SPAG16: variants seen among roughly 807,000 people sequenced by gnomAD.
SPAG16 encodes sperm-associated antigen 16 protein.
A neutral mutation model predicts 80.4 loss-of-function variants in SPAG16; 86 were observed. The ratio of observed to expected loss-of-function variants is 1.07; its 90% CI spans 0.90 to 1.28. The LOEUF is 1.28. Among genes scored for constraint, SPAG16 ranks in the 50% most tolerant of loss-of-function variants. SPAG16 has a pLI of 0.00. For synonymous variants in SPAG16, 294 were observed against 265.9 expected (o/e 1.11, Z -1.03); for missense variants, 870 against 765.3 (o/e 1.14, Z -1.61).
intron 10 of SPAG16, among the ~76,000 whole-genome samples, chr2:213,595,452 G>A (rs1233974716): frequency 6.6e-6 from 1 of 152,086 alleles, no homozygotes; most frequent in African/African-American, 2.4e-5. Context: ...AAGAAATGCA[G>A]CTTTTCTTTT....
At chr2:213,579,327 G>C (rs2060227013) in intron 10 of SPAG16, among the ~76,000 whole-genome samples, 1 of 152,142 alleles carries the variant, frequency 6.6e-6, no homozygotes, top group African/African-American at 2.4e-5. Flanking sequence ...CTCTACAGAA[G>C]GGCAGTTGCC....
chr2:213,859,333 T>G (rs1010137114), intron 10 of SPAG16, among the ~76,000 whole-genome samples: 16 of 151,944 alleles, frequency 1.1e-4, no homozygotes, highest in African/African-American at 3.6e-4. Flanking sequence ...GCACAAAAAC[T>G]TATGTAGACA....
chr2:213,403,926 G>A (rs1245262788), intron 9 of SPAG16, among the ~76,000 whole-genome samples: 1 of 152,116 alleles, frequency 6.6e-6, no homozygotes, highest in African/African-American at 2.4e-5. Context: ...GACAAACAGA[G>A]AGCCAAATCA....
At chr2:214,231,766 G>C (rs1465207201) in intron 15 of SPAG16, among the ~76,000 whole-genome samples, 1 of 151,906 alleles carries the variant, frequency 6.6e-6, no homozygotes, top group Non-Finnish European at 1.5e-5. Context: ...GTTTTCCTTG[G>C]GGACCATTGT....
At chr2:214,409,979 C>T (rs1007401979) in intron 15 of SPAG16, among the ~76,000 whole-genome samples, 161 bp from the exon 16 acceptor site, 26 of 152,142 alleles carry the variant, frequency 1.7e-4, no homozygotes, top group Non-Finnish European at 2.9e-5. Context: ...TTTGACTCAA[C>T]TTATTTCTTA....
intron 10 of SPAG16, among the ~76,000 whole-genome samples, chr2:213,512,233 A>G (rs1300898899): frequency 6.6e-6 from 1 of 152,128 alleles, no homozygotes; most frequent in African/African-American, 2.4e-5. Flanking sequence ...AGATAAACAA[A>G]CTAGACTTTT....
At chr2:213,344,709 T>G (rs1175283172) in intron 6 of SPAG16, among the ~76,000 whole-genome samples, 1 of 152,114 alleles carries the variant, frequency 6.6e-6, no homozygotes, top group African/African-American at 2.4e-5. Flanking sequence ...GGACATGAAC[T>G]CATCATTTTT....
chr2:213,708,381 T>C lies in SPAG16; in HGVS notation c.1071-154104T>C, dbSNP rs575746499. 5.3e-5 allele frequency among the ~76,000 whole-genome samples: 8 copies of C among 152,284 alleles called. No homozygotes were observed. The East Asian group carries it at 1.5e-3, about 29-fold the overall frequency. ...TAAGAAGAGTATGTCAGTGGTAAAA[T>C]TTCAGTCAAAGATTTCAATATTTTA... On this transcript the variant is annotated intron_variant, in intron 10 of 15. Transcript: ENST00000331683.
chr2:214,365,758 AC>A (rs1216648308), intron 15 of SPAG16, among the ~76,000 whole-genome samples: 1 of 152,134 alleles, frequency 6.6e-6, no homozygotes, highest in African/African-American at 2.4e-5. Context: ...AGAGATGACA[AC>A]TTTATTAGTC....
chr2:214,375,219 T>C (rs6749380), intron 15 of SPAG16, among the ~76,000 whole-genome samples: 111,802 of 152,030 alleles, frequency 0.74, 41,664 homozygotes, highest in African/African-American at 0.86. Flanking sequence ...AGAACTTCAA[T>C]TTAAATGGTT....
chr2:213,551,425 G>A lies in SPAG16; in HGVS notation c.1070+61335G>A, dbSNP rs528037184. ...TTGTTGAGTGCTATTTGCATTTATA[G>A]TGTAAATGAGATTAGTCAATGGGAT... On this transcript the variant is annotated intron_variant, in intron 10 of 15. Coordinates refer to ENST00000331683, the MANE Select transcript of SPAG16 (RefSeq NM_024532.5). Among the ~76,000 whole-genome samples the A allele has an allele frequency of 1.7e-3, 262 of 152,300 alleles. 1 individual carries two copies. The highest frequency in any genetic ancestry group is 6.1e-3 in the African/African-American group (254 of 41,570).
chr2:213,449,044 G>A (rs1559143842), intron 9 of SPAG16, among the ~76,000 whole-genome samples: 1 of 152,118 alleles, frequency 6.6e-6, no homozygotes, highest in Non-Finnish European at 1.5e-5. Context: ...TTCCTAGCAA[G>A]GAATAATAAT....
chr2:213,728,876 CAAAAAAAAAAAAAAAAAAAAAAAAAAAAA>C lies in SPAG16; in HGVS notation c.1071-133592_1071-133564del, dbSNP rs58070679. 7.9e-3 allele frequency among the ~76,000 whole-genome samples: 460 copies of C among 58,472 alleles called. 14 individuals are homozygous for C. The East Asian group carries it at 0.098, about 12-fold the overall frequency. The allele number at this position is 58,472 out of a possible 152,430, so 38.4% of individuals were successfully genotyped here. On this transcript the variant is annotated intron_variant, in intron 10 of 15. Transcript: ENST00000331683. Reference sequence around the variant, plus strand: ...TGGGCGACAGAGTGAGACTCCGTCTCAAAAAAAAAAAAAAAAAAAAAAAAAAAAAAAAAAAAAAAAAAAAAGATGATGGA... The same window carrying C: ...TGGGCGACAGAGTGAGACTCCGTCTCAAAAAAAAAAAAAAAAGATGATGGA...
rs772658985 is a variant in SPAG16 at position 213,284,574 on chromosome 2, G to A, written c.91G>A (p.Asp31Asn). The A allele has an allele frequency of 4.3e-6, 7 of 1,609,718 alleles. No homozygotes were observed. The highest frequency in any genetic ancestry group is 5.9e-6 in the Non-Finnish European group (7 of 1,178,442). Residue 31 changes from aspartate (D) to asparagine (N), a missense_variant, in exon 1 of 16, where the codon GAC becomes AAC. By Grantham distance (23) the Asp-to-Asn change is conservative (BLOSUM62 1). Coordinates refer to ENST00000331683, the MANE Select transcript of SPAG16 (RefSeq NM_024532.5). ...TTTGACGGCAGCCGGGGACGCGAGG[G>A]ACACGGCGGACGCGGTGGCGGCTGA... ...MGLTAAGDAR[D>N]TADAVAAEGA... is the part of the protein sequence containing the mutation.
At chr2:213,784,937 T>C (rs867229511) in intron 10 of SPAG16, among the ~76,000 whole-genome samples, 49 of 152,296 alleles carry the variant, frequency 3.2e-4, no homozygotes, top group African/African-American at 9.1e-4. Context: ...CTTGGACTTG[T>C]GGAATGTGAA....
chr2:213,859,195 AAAAAAAAAAAAAAAAAAAAAAC>A (rs1305653333), intron 10 of SPAG16, among the ~76,000 whole-genome samples: 7 of 137,066 alleles, frequency 5.1e-5, no homozygotes, highest in Middle Eastern at 3.7e-3. Flanking sequence ...AAAAAAAAAA[AAAAAAAAAAAAAAAAAAAAAAC>A]TCAATGTCCT....
At chr2:214,188,586 A>G (rs2057554979) in intron 15 of SPAG16, among the ~76,000 whole-genome samples, 1 of 152,158 alleles carries the variant, frequency 6.6e-6, no homozygotes. Flanking sequence ...CACATAGAGT[A>G]TTTCTTCATA....
intron 15 of SPAG16, chr2:214,311,650 G>C (rs1576749794): frequency 6.6e-6 from 1 of 152,182 alleles, no homozygotes; most frequent in African/African-American, 2.4e-5. Context: ...CTTTGTATGG[G>C]TTCTCCAACA....
intron 3 of SPAG16, among the ~76,000 whole-genome samples, chr2:213,305,892 T>G (rs2062921679): frequency 6.6e-6 from 1 of 152,176 alleles, no homozygotes; most frequent in African/African-American, 2.4e-5. Context: ...TTTCTTGTGA[T>G]TTTTAGAAAA....
Sources: gnomAD v4.1 joint callset for allele counts (sites outside exome capture counted in the v4.1 genomes callset) on GRCh38, gnomAD v4.1.1 for gene constraint, MANE v1.5 for transcripts, NCBI Gene and HGNC (gene_info 2026-07-23, HGNC 2026-07-21) for gene names.